The following ZNF560 variants were observed in gnomAD, a reference collection of about 807,000 sequenced individuals.
The protein encoded by ZNF560 is zinc finger protein 560.
Under a neutral mutation model 81.8 loss-of-function variants are expected in ZNF560, and 54 were observed. That is an observed-to-expected ratio of 0.66 (90% CI 0.53 to 0.83). The LOEUF (loss-of-function observed/expected upper bound fraction) is 0.83, where lower values mean the gene tolerates loss of function less well. Ranked by LOEUF, ZNF560 falls within the 40% of genes least tolerant of loss-of-function variation. The probability of loss-of-function intolerance (pLI) is 0.00; values close to 1 mark genes in which losing one functional copy is unlikely to be tolerated. For missense variants in ZNF560, 940 were observed against 932.4 expected (o/e 1.01, Z -0.11); for synonymous variants, 321 against 317.9 (o/e 1.01, Z -0.10).
Position 9,466,615 on chromosome 19 carries a change from C to T in ZNF560, c.2332G>A (p.Ala778Thr), listed in dbSNP as rs149418712. The T allele has an allele frequency of 2.2e-5, 36 of 1,608,906 alleles. No individual in the cohort carries two copies. Among genetic ancestry groups the T allele is most frequent in the Non-Finnish European group, 2.8e-5 (33 of 1,176,818 alleles). The stretch of plus-strand genomic sequence containing the variant: ...TGTGCAATACGAGCTGAGAAAGAAG[C>T]AAAGGCTTTCCCACACTGGTCACAT... ...FECDQCGKAF[A>T]SFSARIAHLK... The change falls in exon 10 of 10, where the codon GCT becomes ACT. Residue 778 changes from alanine (A) to threonine (T), a missense_variant. By Grantham distance (58) the Ala-to-Thr change is moderately conservative. Coordinates refer to ENST00000301480, the MANE Select transcript of ZNF560 (RefSeq NM_152476.3).
chr19:9,480,483 A>T (rs148374099), intron 2 of ZNF560, among the ~76,000 whole-genome samples: 2,787 of 152,294 alleles, frequency 0.018, 79 homozygotes, highest in African/African-American at 0.055. Flanking sequence ...CACCTTGAGG[A>T]CTTAGAAGAA....
the ZNF560 span, among the ~76,000 whole-genome samples, chr19:9,459,776 C>A: frequency 4.6e-5 from 7 of 152,126 alleles, no homozygotes; most frequent in Non-Finnish European, 7.3e-5. Flanking sequence ...ATAGGTTCTT[C>A]TAACTCAAGA....
At chr19:9,447,976 G>A in the ZNF560 span, among the ~76,000 whole-genome samples, 4 of 152,082 alleles carry the variant, frequency 2.6e-5, no homozygotes, top group African/African-American at 9.7e-5. Flanking sequence ...GGCACATCAG[G>A]TACAAAGGGA....
chr19:9,504,540 C>T, the ZNF560 span, among the ~76,000 whole-genome samples: 5 of 152,202 alleles, frequency 3.3e-5, no homozygotes, highest in East Asian at 9.6e-4. Flanking sequence ...AATGTGTGTT[C>T]TCATGATATC....
In ZNF560 at chr19:9,475,270, C is replaced by T; in HGVS notation, c.30+14G>A. 2 of 1,613,480 alleles carry T rather than the reference C, an allele frequency of 1.2e-6. No homozygotes were observed. The highest frequency in any genetic ancestry group is 1.7e-6 in the Non-Finnish European group (2 of 1,179,830). On this transcript the variant is annotated intron_variant, in intron 3 of 9. Transcript: ENST00000301480. The stretch of plus-strand genomic sequence containing the variant: ...AAGTATGTCATTTTGTGGAAGTATA[C>T]ATTTTCTGCATACCTGATAACAATT...
At chr19:9,488,935 T>C (rs1270191221) in intron 2 of ZNF560, among the ~76,000 whole-genome samples, 1 of 152,112 alleles carries the variant, frequency 6.6e-6, no homozygotes, top group Non-Finnish European at 1.5e-5. Context: ...CACCTCCCCC[T>C]CATTCTCCCT....
rs2073025321 is a variant in ZNF560 at position 9,466,757 on chromosome 19, A to G, written c.2190T>C (p.His730=). Residue 730 remains histidine, a synonymous_variant, in exon 10 of 10, where the codon CAT becomes CAC. Transcript: ENST00000301480. ...AFTCHSDLTN[H]VRIHTGEKPY... is the part of the protein sequence containing the mutation. Reference sequence around the variant, plus strand: ...GCTTCTCTCCAGTGTGAATTCGCACATGATTAGTAAGATCTGAATGACAAG... The same window carrying G: ...GCTTCTCTCCAGTGTGAATTCGCACGTGATTAGTAAGATCTGAATGACAAG... The G allele has an allele frequency of 2.5e-6, 4 of 1,613,920 alleles. No homozygotes were observed. In the African/African-American group the frequency reaches 4.0e-5, roughly 16 times the overall value.
chr19:9,468,717 G>T lies in ZNF560; in HGVS notation c.613-383C>A, dbSNP rs548552304. ...CTTCTCTCAAATATCTATCATTTCTGCTGATTTCTTTTTTTTTTTTTTTTT... is the reference window on the plus strand; with the variant it reads ...CTTCTCTCAAATATCTATCATTTCTTCTGATTTCTTTTTTTTTTTTTTTTT... On this transcript the variant is annotated intron_variant, in intron 9 of 9. Transcript: ENST00000301480. Among the ~76,000 whole-genome samples the T allele has an allele frequency of 3.3e-5, 5 of 149,372 alleles. No individual in the cohort carries two copies. In the East Asian group the frequency reaches 9.8e-4, roughly 29 times the overall value.
the ZNF560 span, among the ~76,000 whole-genome samples, chr19:9,503,800 C>T: frequency 3.3e-5 from 5 of 152,094 alleles, no homozygotes; most frequent in East Asian, 1.9e-4. Context: ...AGCCTCCCAA[C>T]GTGCTAGAAT....
the ZNF560 span, among the ~76,000 whole-genome samples, chr19:9,454,456 C>T: frequency 6.6e-6 from 1 of 152,166 alleles, no homozygotes; most frequent in East Asian, 1.9e-4. Context: ...GGTTGGAGAA[C>T]ATGGAACTAC....
intron 2 of ZNF560, among the ~76,000 whole-genome samples, chr19:9,475,645 T>A (rs1255314030): frequency 1.3e-5 from 2 of 151,692 alleles, no homozygotes; most frequent in Non-Finnish European, 2.9e-5. Flanking sequence ...TTCACTCTGT[T>A]GCCCAGGCTG....
At chr19:9,469,866 T>C (rs2073094865) in intron 7 of ZNF560, 156 bp from the exon 8 acceptor site, 1 of 608,012 alleles carries the variant, frequency 1.6e-6, no homozygotes, top group East Asian at 2.8e-5. Flanking sequence ...TGGTTATCTC[T>C]GACCTCTGAA....
intron 2 of ZNF560, among the ~76,000 whole-genome samples, chr19:9,482,933 G>T (rs768982841): frequency 6.6e-6 from 1 of 152,206 alleles, no homozygotes; most frequent in African/African-American, 2.4e-5. Context: ...CCGAGGTGCC[G>T]GGATTGCAGA....
At chr19:9,475,977 T>C (rs975741388) in intron 2 of ZNF560, among the ~76,000 whole-genome samples, 2 of 152,130 alleles carry the variant, frequency 1.3e-5, no homozygotes, top group Non-Finnish European at 2.9e-5. Context: ...ACAAATGAGA[T>C]TATGCAGCAC....
In ZNF560 at chr19:9,466,725, T is replaced by A. The variant is rs778696686; in HGVS notation, c.2222A>T (p.Lys741Ile). 2 of 1,614,130 alleles carry A rather than the reference T, an allele frequency of 1.2e-6. No homozygotes were observed. Among genetic ancestry groups the A allele is most frequent in the South Asian group, 1.1e-5 (1 of 91,080 alleles). Residue 741 changes from lysine to isoleucine, a missense_variant, in exon 10 of 10, where the codon AAA becomes ATA. Physicochemically the swap from Lys to Ile is moderately radical, Grantham distance 102 (BLOSUM62 -3). Transcript: ENST00000301480. ...GAAGGCCTTCCCACATTCCTTACAT[T>A]TATAGGGCTTCTCTCCAGTGTGAAT... ...VRIHTGEKPYKCKECGKAFRT... is the reference protein window; with the variant it reads ...VRIHTGEKPYICKECGKAFRT...
In ZNF560 at chr19:9,481,085, A is replaced by C. The variant is rs1449005738; in HGVS notation, c.-56-5716T>G. On this transcript the variant is annotated intron_variant, in intron 2 of 9. Transcript: ENST00000301480. ...GCAATACAGGCAGAGATTATCTGAA[A>C]AAAAAAAAAAAAAAGGCCTCAGAAA... 5.7e-3 allele frequency among the ~76,000 whole-genome samples: 298 copies of C among 52,042 alleles called. 2 individuals are homozygous for C. Among genetic ancestry groups the C allele is most frequent in the African/African-American group, 0.012 (275 of 22,532 alleles). 34.1% of individuals were successfully genotyped at this position (52,042 alleles called of 152,430 possible).
chr19:9,459,771 T>A, the ZNF560 span, among the ~76,000 whole-genome samples: 1 of 152,064 alleles, frequency 6.6e-6, no homozygotes, highest in African/African-American at 2.4e-5. Context: ...GGAGAATAGG[T>A]TCTTCTAACT....
At chr19:9,476,417 T>C (rs1407809331) in intron 2 of ZNF560, among the ~76,000 whole-genome samples, 2 of 151,994 alleles carry the variant, frequency 1.3e-5, no homozygotes, top group Non-Finnish European at 2.9e-5. Flanking sequence ...CTCAGCCTCC[T>C]GAGTAGCTGG....
chr19:9,506,345 A>G, the ZNF560 span, among the ~76,000 whole-genome samples: 11 of 151,456 alleles, frequency 7.3e-5, no homozygotes, highest in African/African-American at 2.4e-4. Flanking sequence ...AAGTTATATT[A>G]TTTGAATTTG....
Sources: gnomAD v4.1 joint callset for allele counts (sites outside exome capture counted in the v4.1 genomes callset) on GRCh38, gnomAD v4.1.1 for gene constraint, MANE v1.5 for transcripts, NCBI Gene and HGNC (gene_info 2026-07-23, HGNC 2026-07-21) for gene names.